PLD5: variants seen among roughly 807,000 people sequenced by gnomAD.
PLD5 encodes phospholipase D family member 5, also known as inactive phospholipase D5.
In PLD5, 36 loss-of-function variants were observed where a neutral mutation model predicts 61.1. The observed-to-expected ratio is 0.59, with a 90% CI of 0.45 to 0.78. The LOEUF (loss-of-function observed/expected upper bound fraction) is 0.78, where lower values mean the gene tolerates loss of function less well. Among genes scored for constraint, PLD5 ranks in the 30% least tolerant of loss-of-function variants. The pLI, the probability that PLD5 is intolerant of heterozygous loss-of-function variation, is 0.00. For synonymous variants in PLD5, 243 were observed against 242.8 expected, an observed-to-expected ratio of 1.00 and a Z score of -0.01; for missense variants, 515 against 644.4, an observed-to-expected ratio of 0.80 and a Z score of 2.17.
chr1:242,450,733 AAC>A (rs1370524361), intron 1 of PLD5, among the ~76,000 whole-genome samples: 1 of 152,156 alleles, frequency 6.6e-6, no homozygotes, highest in East Asian at 1.9e-4. Context: ...GCTGTGAATC[AAC>A]AGAGTCCCAG....
chr1:242,260,961 T>C (rs1368317376), intron 4 of PLD5, among the ~76,000 whole-genome samples: 3 of 152,240 alleles, frequency 2.0e-5, no homozygotes, highest in Non-Finnish European at 4.4e-5. Context: ...ATATTGTCCA[T>C]GTCAATTTTC....
chr1:242,393,795 C>T (rs1408210163), intron 1 of PLD5, among the ~76,000 whole-genome samples: 2 of 147,810 alleles, frequency 1.4e-5, no homozygotes, highest in East Asian at 2.1e-4. Context: ...CGCAGTGGCT[C>T]ACGCCTGTAT....
intron 8 of PLD5, 64 bp from the exon 9 acceptor site, chr1:242,100,846 A>G: frequency 9.2e-7 from 1 of 1,087,276 alleles, no homozygotes; most frequent in Non-Finnish European, 1.4e-6. Context: ...GTCCAAGAGC[A>G]CAAAAGAATG....
rs1273838543 is a variant in PLD5 at position 242,084,978 on chromosome 1, C to T, written c.*4876G>A. The T allele has an allele frequency of 6.6e-6, 1 of 151,872 alleles. No homozygotes were observed. Among genetic ancestry groups the T allele is most frequent in the East Asian group, 1.9e-4 (1 of 5,182 alleles). 9.4% of individuals were successfully genotyped at this position (151,872 alleles called of 1,614,324 possible). A position where few individuals can be genotyped will look rare whatever the true frequency, so the allele number is the denominator to read the frequency against. On this transcript the variant is annotated 3_prime_UTR_variant, in exon 10 of 10. Coordinates refer to ENST00000536534, the MANE Select transcript of PLD5 (RefSeq NM_001372062.1). The stretch of plus-strand genomic sequence containing the variant: ...TCATCTCACAGTATGAAAAAGCCAT[C>T]TAATATTTACTTCTGAAAAAACTGA...
At chr1:242,285,300 C>T (rs1427191666) in intron 3 of PLD5, among the ~76,000 whole-genome samples, 7 of 152,146 alleles carry the variant, frequency 4.6e-5, no homozygotes, top group Non-Finnish European at 1.0e-4. Context: ...CAGTTCAAGA[C>T]CAGCCTGGCT....
intron 5 of PLD5, among the ~76,000 whole-genome samples, chr1:242,193,666 T>C (rs766424156): frequency 7.2e-5 from 11 of 152,230 alleles, no homozygotes; most frequent in Non-Finnish European, 1.5e-4. Context: ...GTGTGAGGAA[T>C]ATCAGGTTCA....
intron 2 of PLD5, among the ~76,000 whole-genome samples, chr1:242,293,154 TAG>T (rs1230434570): frequency 6.6e-6 from 1 of 152,112 alleles, no homozygotes; most frequent in Admixed American, 6.6e-5. Context: ...AAAAAGAGAA[TAG>T]AGTCAAAGCC....
At chr1:242,282,459 T>G (rs1307511303) in intron 3 of PLD5, among the ~76,000 whole-genome samples, 1 of 152,296 alleles carries the variant, frequency 6.6e-6, no homozygotes, top group South Asian at 2.1e-4. Context: ...CACCGAGCTC[T>G]TATGCTTGCT....
intron 5 of PLD5, among the ~76,000 whole-genome samples, chr1:242,142,108 G>A (rs943767173): frequency 6.6e-6 from 1 of 152,180 alleles, no homozygotes; most frequent in Non-Finnish European, 1.5e-5. Flanking sequence ...TGACACAGAG[G>A]GGAGAGAGAG....
At position 242,085,257 on chromosome 1, in the gene PLD5, A is replaced by T. The variant is rs191298944; in HGVS notation, c.*4597T>A. The T allele has an allele frequency of 1.3e-5, 2 of 152,178 alleles. No homozygotes were observed. Among genetic ancestry groups the T allele is most frequent in the Non-Finnish European group, 1.5e-5 (1 of 68,024 alleles). 9.4% of individuals were successfully genotyped at this position (152,178 alleles called of 1,614,324 possible). On this transcript the variant is annotated 3_prime_UTR_variant, in exon 10 of 10. Transcript: ENST00000536534. ...GTAACTTTTTTTTTTCAAATTGCCA[A>T]AAGAAGCGTTAATGACCAGTGAAGT... is the stretch of plus-strand genomic sequence containing the variant.
rs564365229 is a variant in PLD5, at chr1:242,368,934, ATTTC to A, written c.190-20696_190-20693del. ...TTGCCCTCACTATCTGCCTAAAATA[ATTTC>A]TTTCTATCTCCTGTGTCACCACCGT... is the stretch of plus-strand genomic sequence containing the variant. On this transcript the variant is annotated intron_variant, in intron 1 of 9. Transcript: ENST00000536534. Among the ~76,000 whole-genome samples the A allele has an allele frequency of 1.1e-3, 169 of 152,258 alleles. 1 individual carries two copies. Among genetic ancestry groups the A allele is most frequent in the Admixed American group, 3.1e-3 (48 of 15,288 alleles).
At chr1:242,339,628 C>T (rs572255130) in intron 2 of PLD5, among the ~76,000 whole-genome samples, 3 of 152,306 alleles carry the variant, frequency 2.0e-5, no homozygotes, top group Non-Finnish European at 4.4e-5. Context: ...GAATAAATAG[C>T]CTTTGCTTTT....
intron 5 of PLD5, among the ~76,000 whole-genome samples, chr1:242,214,967 C>G (rs1166567189): frequency 6.8e-6 from 1 of 146,746 alleles, no homozygotes; most frequent in Non-Finnish European, 1.5e-5. Flanking sequence ...AGCTCTGCCT[C>G]CCGGGTTCAC....
chr1:242,411,164 A>T (rs1463379355), intron 1 of PLD5, among the ~76,000 whole-genome samples: 1 of 152,186 alleles, frequency 6.6e-6, no homozygotes, highest in Non-Finnish European at 1.5e-5. Flanking sequence ...TCCAACTCTA[A>T]TTGATATATG....
chr1:242,112,672 G>A (rs1661623486), intron 7 of PLD5, among the ~76,000 whole-genome samples: 1 of 152,140 alleles, frequency 6.6e-6, no homozygotes, highest in Non-Finnish European at 1.5e-5. Flanking sequence ...TATGCATTAT[G>A]TAGGGTTGGT....
chr1:242,189,307 G>A (rs912702565), intron 5 of PLD5, among the ~76,000 whole-genome samples: 6 of 151,942 alleles, frequency 3.9e-5, no homozygotes, highest in African/African-American at 1.4e-4. Flanking sequence ...TTAGCTGGGC[G>A]TAGTGGCGGG....
At chr1:242,487,701 C>T (rs1572229870) in intron 1 of PLD5, among the ~76,000 whole-genome samples, 1 of 152,002 alleles carries the variant, frequency 6.6e-6, no homozygotes, top group South Asian at 2.1e-4. Context: ...ATGATAACAA[C>T]CAACCAAATT....
At chr1:242,296,912 G>A (rs1482564950) in intron 2 of PLD5, among the ~76,000 whole-genome samples, 1 of 152,144 alleles carries the variant, frequency 6.6e-6, no homozygotes, top group Non-Finnish European at 1.5e-5. Context: ...CTGTTGTAGA[G>A]ATGAAATCTC....
chr1:242,404,174 GCCGAGTAC>G (rs1664099117), intron 1 of PLD5, among the ~76,000 whole-genome samples: 1 of 152,182 alleles, frequency 6.6e-6, no homozygotes, highest in African/African-American at 2.4e-5. Context: ...TTTAACACAT[GCCGAGTAC>G]CTCACGAAGT....
Sources: allele counts gnomAD v4.1 joint callset (sites outside exome capture counted in the v4.1 genomes callset), GRCh38; gene constraint gnomAD v4.1.1; transcripts MANE v1.5; gene names NCBI Gene and HGNC (gene_info 2026-07-23, HGNC 2026-07-21).